Variants in MYH10 observed in about 807,000 individuals in gnomAD.
The protein encoded by MYH10 is myosin-10.
A neutral mutation model predicts 257.8 loss-of-function variants in MYH10; 55 were observed. The observed-to-expected ratio is 0.21, with a 90% confidence interval of 0.17 to 0.27. The LOEUF (loss-of-function observed/expected upper bound fraction) is 0.27, where lower values mean the gene tolerates loss of function less well. Among genes scored for constraint, MYH10 ranks in the 10% least tolerant of loss-of-function variants. The pLI is 1.00. For synonymous variants in MYH10, 854 were observed against 921.7 expected, an observed-to-expected ratio of 0.93 and a Z score of 1.33; for missense variants, 1,631 against 2,500.6, an observed-to-expected ratio of 0.65 and a Z score of 7.42.
chr17:8,612,061 G>T (rs1217899033), intron 2 of MYH10, among the ~76,000 whole-genome samples: 1 of 152,230 alleles, frequency 6.6e-6, no homozygotes, highest in Non-Finnish European at 1.5e-5. Context: ...ATTCTGAGTA[G>T]TGTGATGAAA....
chr17:8,527,188 G>A (rs1381106915), intron 17 of MYH10, among the ~76,000 whole-genome samples: 1 of 152,206 alleles, frequency 6.6e-6, no homozygotes. Flanking sequence ...CAAGTTTACA[G>A]TGGTTACATA....
intron 36 of MYH10, among the ~76,000 whole-genome samples, chr17:8,486,194 T>C (rs1442173095): frequency 6.6e-6 from 1 of 151,974 alleles, no homozygotes; most frequent in East Asian, 1.9e-4. Context: ...GAATGGGGAG[T>C]GACAGCTAAT....
chr17:8,598,003 C>T (rs889365515), intron 3 of MYH10, among the ~76,000 whole-genome samples: 3 of 152,052 alleles, frequency 2.0e-5, no homozygotes, highest in African/African-American at 7.2e-5. Context: ...GTTTTTGAGA[C>T]GGAGTCTCCC....
chr17:8,608,294 G>A (rs749658848), intron 2 of MYH10, among the ~76,000 whole-genome samples: 1 of 152,162 alleles, frequency 6.6e-6, no homozygotes. Flanking sequence ...AGGAAGACAC[G>A]TGGAGACTGC....
At chr17:8,538,998 G>A (rs139730438) in intron 14 of MYH10, among the ~76,000 whole-genome samples, 6 of 152,154 alleles carry the variant, frequency 3.9e-5, no homozygotes, top group African/African-American at 1.4e-4. Flanking sequence ...TGAGGAGGTG[G>A]GTTAGTTATC....
chr17:8,572,784 T>C lies in MYH10; in HGVS notation c.664-2972A>G, dbSNP rs138370703. Among the ~76,000 whole-genome samples the C allele has an allele frequency of 5.6e-4, 86 of 152,310 alleles. No individual in the cohort carries two copies. The East Asian group carries it at 8.3e-3, about 15-fold the overall frequency. ...ACTCCTACTAATGGATTTGTGGACA[T>C]TGGTGAGACTGAGTAACGATCTCAA... On this transcript the variant is annotated intron_variant, in intron 6 of 42. Coordinates refer to ENST00000360416, the MANE Select transcript of MYH10 (RefSeq NM_001256012.3).
At chr17:8,625,566 G>A (rs551670562) in intron 1 of MYH10, among the ~76,000 whole-genome samples, 13 of 151,868 alleles carry the variant, frequency 8.6e-5, no homozygotes, top group African/African-American at 3.1e-4. Flanking sequence ...TGCAACCTCT[G>A]CCTCCAGGGT....
At chr17:8,483,913 G>A (rs1366810614) in intron 37 of MYH10, among the ~76,000 whole-genome samples, 2 of 152,204 alleles carry the variant, frequency 1.3e-5, no homozygotes, top group African/African-American at 4.8e-5. Context: ...CTTTTGCCAG[G>A]TAGAGGAATA....
intron 1 of MYH10, among the ~76,000 whole-genome samples, chr17:8,628,926 C>T (rs1017100654): frequency 6.6e-6 from 1 of 152,208 alleles, no homozygotes; most frequent in Non-Finnish European, 1.5e-5. Context: ...GGGTCACATC[C>T]TTCTGCTGCC....
At chr17:8,606,203 A>G (rs944103170) in intron 2 of MYH10, among the ~76,000 whole-genome samples, 1 of 152,228 alleles carries the variant, frequency 6.6e-6, no homozygotes, top group Admixed American at 6.5e-5. Context: ...TATCAATTAC[A>G]CAGAATTGAC....
At position 8,605,107 on chromosome 17, in the gene MYH10, C is replaced by T. The variant is rs149706680; in HGVS notation, c.346-125G>A. On this transcript the variant is annotated intron_variant, in intron 2 of 42. Coordinates refer to ENST00000360416, the MANE Select transcript of MYH10 (RefSeq NM_001256012.3). ...GATCTTTACCTTTTGGATAATTAATCTATCCCCCAAATTAAACTTAGCCTA... is the reference window on the plus strand; with the variant it reads ...GATCTTTACCTTTTGGATAATTAATTTATCCCCCAAATTAAACTTAGCCTA... 181 of 501,824 alleles carry T rather than the reference C, an allele frequency of 3.6e-4. 2 individuals carry two copies. Among genetic ancestry groups the T allele is most frequent in the East Asian group, 3.4e-3 (101 of 29,402 alleles). The allele number at this position is 501,824 out of a possible 1,614,324, so 31.1% of individuals were successfully genotyped here. A position where few individuals can be genotyped will look rare whatever the true frequency, so the allele number is the denominator to read the frequency against.
intron 4 of MYH10, among the ~76,000 whole-genome samples, chr17:8,579,203 T>G (rs1344850930): frequency 5.9e-5 from 9 of 151,364 alleles, no homozygotes; most frequent in Admixed American, 5.9e-4. Context: ...CTCTCGAGCC[T>G]AGGAAGTTGA....
chr17:8,538,909 T>C (rs1048318013), intron 14 of MYH10, among the ~76,000 whole-genome samples: 11 of 152,170 alleles, frequency 7.2e-5, no homozygotes, highest in African/African-American at 2.7e-4. Flanking sequence ...TGTTGAGAGA[T>C]AAGACCTTTG....
At chr17:8,604,305 G>A (rs1467226812) in intron 3 of MYH10, among the ~76,000 whole-genome samples, 2 of 152,104 alleles carry the variant, frequency 1.3e-5, no homozygotes, top group Non-Finnish European at 2.9e-5. Context: ...AAATCACTGT[G>A]TCTAAAGCCA....
chr17:8,557,606 G>T (rs570619896), intron 7 of MYH10, among the ~76,000 whole-genome samples: 2 of 152,270 alleles, frequency 1.3e-5, no homozygotes, highest in African/African-American at 4.8e-5. Flanking sequence ...GCACTATGTC[G>T]TCATCACAAC....
chr17:8,515,097 C>T (rs754830760), intron 21 of MYH10, among the ~76,000 whole-genome samples: 1 of 152,002 alleles, frequency 6.6e-6, no homozygotes, highest in East Asian at 1.9e-4. Flanking sequence ...ACCAAGTGAC[C>T]GACAGACTCC....
Position 8,630,665 on chromosome 17 carries a change from G to A in MYH10, c.-43C>T, listed in dbSNP as rs953046815. The A allele has an allele frequency of 1.3e-5, 2 of 152,998 alleles. No individual in the cohort carries two copies. Among genetic ancestry groups the A allele is most frequent in the African/African-American group, 4.8e-5 (2 of 41,402 alleles). 9.5% of individuals were successfully genotyped at this position (152,998 alleles called of 1,614,324 possible). On this transcript the variant is annotated 5_prime_UTR_variant, in exon 1 of 43. Coordinates refer to ENST00000360416, the MANE Select transcript of MYH10 (RefSeq NM_001256012.3). ...GCCGCACCTCTCACCTTCAGCCGAA[G>A]ATGGTGGCGCGGGCGCACGTCCCCA... is the stretch of plus-strand genomic sequence containing the variant.
Position 8,490,329 on chromosome 17 carries a change from C to T in MYH10, c.4884+11G>A, listed in dbSNP as rs1438301844. 1.2e-6 allele frequency: 2 copies of T among 1,612,634 alleles called. No individual in the cohort carries two copies. Among genetic ancestry groups the T allele is most frequent in the Admixed American group, 1.7e-5 (1 of 60,032 alleles). ...CACCCCTTGTTGTGGAGGCCGCACC[C>T]TCTGCCCTACCTGTTTGATCAGCAG... On this transcript the variant is annotated intron_variant, in intron 35 of 42. Coordinates refer to ENST00000360416, the MANE Select transcript of MYH10 (RefSeq NM_001256012.3). This position sits in a 1 kb window ranked among gnomAD's most constrained non-coding sequence, Gnocchi z 4.1.
intron 13 of MYH10, among the ~76,000 whole-genome samples, chr17:8,543,819 A>C (rs1480524023): frequency 6.6e-6 from 1 of 152,182 alleles, no homozygotes; most frequent in Non-Finnish European, 1.5e-5. Context: ...TCCATATTTA[A>C]ACTACCAATT....
Sources: gnomAD v4.1 joint callset for allele counts (sites outside exome capture counted in the v4.1 genomes callset) on GRCh38, gnomAD v4.1.1 for gene constraint, Gnocchi (gnomAD v3.1) non-coding constraint, MANE v1.5 for transcripts, NCBI Gene and HGNC (gene_info 2026-07-23, HGNC 2026-07-21) for gene names.